DYNLL1: variants seen among roughly 807,000 people sequenced by gnomAD.
The protein encoded by DYNLL1 is dynein light chain LC8-type 1.
DYNLL1 carries 3 observed loss-of-function variants against 10.1 expected under a neutral mutation model. That is an observed-to-expected ratio of 0.30 (90% CI 0.14 to 0.77). DYNLL1 has a LOEUF of 0.77. Ranked by LOEUF, DYNLL1 falls within the 30% of genes least tolerant of loss-of-function variation. The pLI is 0.66. For synonymous variants in DYNLL1, 46 were observed against 41.2 expected, an observed-to-expected ratio of 1.12 and a Z score of -0.45; for missense variants, 47 against 111.7, an observed-to-expected ratio of 0.42 and a Z score of 2.61.
chr12:120,497,913 A>C (rs1868509413), intron 2 of DYNLL1, 160 bp from the exon 3 acceptor site: 1 of 682,110 alleles, frequency 1.5e-6, no homozygotes, highest in Middle Eastern at 2.5e-4. Context: ...GTATTAATGT[A>C]CTATGTAGGC....
intron 1 of DYNLL1, among the ~76,000 whole-genome samples, chr12:120,483,742 C>G (rs1878934385): frequency 6.6e-6 from 1 of 152,096 alleles, no homozygotes; most frequent in African/African-American, 2.4e-5. Flanking sequence ...TGGAGACTCC[C>G]AAGAGAGAGT....
Position 120,498,279 on chromosome 12 carries a change from C to T in DYNLL1, c.*69C>T, listed in dbSNP as rs1393514791. ...AGGACTGCAGCCTAAATTCCAAATACCAGAGACTGAAATTTTCAGCCTTGC... is the reference window on the plus strand; with the variant it reads ...AGGACTGCAGCCTAAATTCCAAATATCAGAGACTGAAATTTTCAGCCTTGC... On this transcript the variant is annotated 3_prime_UTR_variant, in exon 3 of 3. Transcript: ENST00000242577. 7 of 1,541,030 alleles carry T rather than the reference C, an allele frequency of 4.5e-6. No homozygotes were observed. The highest frequency in any genetic ancestry group is 1.4e-5 in the African/African-American group (1 of 72,644).
At position 120,496,573 on chromosome 12, in the gene DYNLL1, C is replaced by CCGATACGCAGCCGGGAGCA; in HGVS notation, c.132+21_132+39dup. ...AAGAAGGTGAGGATGGGCGCGGGGG[C>CCGATACGCAGCCGGGAGCA]CGATACGCAGCCGGGAGCAGGGGGT... On this transcript the variant is annotated intron_variant, in intron 2 of 2. Transcript: ENST00000242577. 1.2e-6 allele frequency: 2 copies of CCGATACGCAGCCGGGAGCA among 1,613,768 alleles called. No individual in the cohort carries two copies. Among genetic ancestry groups the CCGATACGCAGCCGGGAGCA allele is most frequent in the Non-Finnish European group, 1.7e-6 (2 of 1,179,956 alleles).
At chr12:120,496,053 G>A (rs1351210801), upstream of DYNLL1, 2 of 370,182 alleles carry the variant, frequency 5.4e-6, no homozygotes, top group African/African-American at 4.1e-5. Context: ...GAGGGGCGGG[G>A]CCGGCGGGAG....
chr12:120,486,906 C>A (rs1164577834), intron 1 of DYNLL1, among the ~76,000 whole-genome samples: 2 of 152,150 alleles, frequency 1.3e-5, no homozygotes, highest in African/African-American at 4.8e-5. Flanking sequence ...TGAATCCCTA[C>A]CCACTACCTT....
chr12:120,478,080 C>G (rs1878795208), intron 1 of DYNLL1, among the ~76,000 whole-genome samples: 2 of 150,588 alleles, frequency 1.3e-5, no homozygotes, highest in South Asian at 4.2e-4. Flanking sequence ...GCTTGAGCCA[C>G]TGCACCCGGC....
chr12:120,497,813 T>C (rs932283236), intron 2 of DYNLL1: 17 of 451,902 alleles, frequency 3.8e-5, no homozygotes, highest in Non-Finnish European at 5.9e-5. Flanking sequence ...ATTACCATAA[T>C]AACAAAACAC....
intron 1 of DYNLL1, among the ~76,000 whole-genome samples, chr12:120,483,440 G>A (rs1171905022): frequency 6.6e-6 from 1 of 152,032 alleles, no homozygotes; most frequent in Non-Finnish European, 1.5e-5. Flanking sequence ...AATTAGATGT[G>A]AGGTGTGAGG....
chr12:120,487,043 C>G (rs1236717317), intron 1 of DYNLL1, among the ~76,000 whole-genome samples: 1 of 150,208 alleles, frequency 6.7e-6, no homozygotes, highest in East Asian at 1.9e-4. Flanking sequence ...GGCGCCATCT[C>G]GGCTCACTGC....
At chr12:120,497,221 A>G (rs1275296732) in intron 2 of DYNLL1, 2 of 154,178 alleles carry the variant, frequency 1.3e-5, no homozygotes, top group African/African-American at 4.8e-5. Flanking sequence ...AGGTTTTCGC[A>G]CTGCGTGCAG....
chr12:120,496,768 C>T, intron 2 of DYNLL1: 1 of 670,068 alleles, frequency 1.5e-6, no homozygotes, highest in South Asian at 2.0e-5. Context: ...TTTAATTACC[C>T]AGCTCCGCGG....
At chr12:120,484,060 G>A (rs1376143444) in intron 1 of DYNLL1, among the ~76,000 whole-genome samples, 2 of 152,234 alleles carry the variant, frequency 1.3e-5, no homozygotes, top group Admixed American at 6.5e-5. Context: ...GTGAGGAATC[G>A]GGGACAGGGA....
intron 1 of DYNLL1, among the ~76,000 whole-genome samples, chr12:120,471,722 C>G (rs1041569175): frequency 6.6e-6 from 1 of 151,906 alleles, no homozygotes; most frequent in South Asian, 2.1e-4. Flanking sequence ...GCCATTCTCC[C>G]GCCTCAGCCT....
intron 2 of DYNLL1, 183 bp downstream of exon 2, chr12:120,496,736 CCG>C: frequency 1.2e-6 from 1 of 820,860 alleles, no homozygotes; most frequent in Non-Finnish European, 1.8e-6. Context: ...CCCCCGGCGT[CCG>C]AAGTTTTTTT....
upstream of DYNLL1, among the ~76,000 whole-genome samples, chr12:120,494,142 T>A (rs1186712305): frequency 6.6e-6 from 1 of 152,084 alleles, no homozygotes. Context: ...GTCAACCTAT[T>A]TCTTCCTCAA....
At chr12:120,495,492 C>T (rs1223482754), upstream of DYNLL1, 1 of 152,146 alleles carries the variant, frequency 6.6e-6, no homozygotes, top group Non-Finnish European at 1.5e-5. Flanking sequence ...GGATGCCCTC[C>T]CCTAAATATT....
intron 1 of DYNLL1, among the ~76,000 whole-genome samples, chr12:120,484,583 T>C (rs1347593406): frequency 6.6e-6 from 1 of 152,218 alleles, no homozygotes; most frequent in Non-Finnish European, 1.5e-5. Flanking sequence ...TTCACTTTTA[T>C]ACAATGAGTA....
At chr12:120,478,101 T>G (rs533691886) in intron 1 of DYNLL1, among the ~76,000 whole-genome samples, 5 of 149,664 alleles carry the variant, frequency 3.3e-5, no homozygotes, top group Admixed American at 3.3e-4. Flanking sequence ...CAAAAGTTTT[T>G]TTTTTTGTTG....
intron 1 of DYNLL1, among the ~76,000 whole-genome samples, chr12:120,480,536 C>T (rs1038929510): frequency 6.6e-6 from 1 of 152,154 alleles, no homozygotes; most frequent in Non-Finnish European, 1.5e-5. Flanking sequence ...CCCTTTCCTT[C>T]CTCCAGGTCT....
Sources: allele counts gnomAD v4.1 joint callset (sites outside exome capture counted in the v4.1 genomes callset), GRCh38; gene constraint gnomAD v4.1.1; transcripts MANE v1.5; gene names NCBI Gene and HGNC (gene_info 2026-07-23, HGNC 2026-07-21).